The following NRG1 variants were observed in gnomAD, a reference collection of about 807,000 sequenced individuals.
NRG1 encodes pro-neuregulin-1, membrane-bound isoform.
In NRG1, 18 loss-of-function variants were observed where a neutral mutation model predicts 63.8. The ratio of observed to expected loss-of-function variants is 0.28; its 90% CI spans 0.19 to 0.42. The LOEUF (loss-of-function observed/expected upper bound fraction) is 0.42, where lower values mean the gene tolerates loss of function less well. Ranked by LOEUF, NRG1 falls within the 10% of genes least tolerant of loss-of-function variation. The probability of loss-of-function intolerance (pLI) is 1.00; values close to 1 mark genes in which losing one functional copy is unlikely to be tolerated. For synonymous variants in NRG1, 302 were observed against 301.3 expected, an observed-to-expected ratio of 1.00 and a Z score of -0.02; for missense variants, 762 against 814.7, an observed-to-expected ratio of 0.94 and a Z score of 0.79.
At chr8:32,441,969 TAGTGCTTCATTTATGAAGGTC>T (rs1453501686) in intron 1 of NRG1, among the ~76,000 whole-genome samples, 1 of 152,178 alleles carries the variant, frequency 6.6e-6, no homozygotes, top group Non-Finnish European at 1.5e-5. Context: ...GCTCCTAGGT[TAGTGCTTCATTTATGAAGGTC>T]AGTGCTTCAT....
intron 1 of NRG1, among the ~76,000 whole-genome samples, chr8:31,724,383 AGAT>A (rs1813219528): frequency 6.6e-6 from 1 of 152,122 alleles, no homozygotes. Flanking sequence ...TCCAAGGGAA[AGAT>A]GATGTGTTCA....
chr8:32,492,303 A>G (rs1826684757), intron 1 of NRG1, among the ~76,000 whole-genome samples: 3 of 152,152 alleles, frequency 2.0e-5, no homozygotes, highest in Admixed American at 2.0e-4. Flanking sequence ...AGTTCTTGAT[A>G]GATTTACTTT....
At chr8:32,437,549 C>T (rs1818947058) in intron 1 of NRG1, among the ~76,000 whole-genome samples, 1 of 152,172 alleles carries the variant, frequency 6.6e-6, no homozygotes, top group African/African-American at 2.4e-5. Flanking sequence ...CACACCAGAG[C>T]CAGACCGGAA....
chr8:32,205,808 T>C (rs1843997264), intron 1 of NRG1, among the ~76,000 whole-genome samples: 1 of 151,824 alleles, frequency 6.6e-6, no homozygotes, highest in African/African-American at 2.4e-5. Flanking sequence ...AAATAAGGAA[T>C]GCACAAATAA....
chr8:31,693,649 A>G (rs932303875), intron 1 of NRG1, among the ~76,000 whole-genome samples: 8 of 152,164 alleles, frequency 5.3e-5, no homozygotes, highest in Admixed American at 1.3e-4. Flanking sequence ...TCCTGTAGAA[A>G]TCCTCTCTTG....
intron 2 of NRG1, among the ~76,000 whole-genome samples, chr8:32,598,906 G>A (rs1451355255): frequency 1.3e-5 from 2 of 151,978 alleles, no homozygotes; most frequent in Non-Finnish European, 2.9e-5. Flanking sequence ...GTAAATATAA[G>A]TAGAAGGAAT....
chr8:31,709,626 T>C (rs1811538816), intron 1 of NRG1, among the ~76,000 whole-genome samples: 1 of 152,100 alleles, frequency 6.6e-6, no homozygotes, highest in Non-Finnish European at 1.5e-5. Context: ...CTCTAATTCA[T>C]TTGTTGAAAT....
At chr8:32,215,145 A>G (rs929361257) in intron 1 of NRG1, among the ~76,000 whole-genome samples, 4 of 152,248 alleles carry the variant, frequency 2.6e-5, no homozygotes, top group South Asian at 2.1e-4. Context: ...CCTGAAATTC[A>G]TATTTATCTG....
At chr8:32,232,061 G>A (rs1303269672) in intron 1 of NRG1, among the ~76,000 whole-genome samples, 1 of 150,778 alleles carries the variant, frequency 6.6e-6, no homozygotes, top group African/African-American at 2.4e-5. Flanking sequence ...ACATCACCAT[G>A]CCTGGTTAAT....
At chr8:32,141,279 G>T (rs900185412) in intron 1 of NRG1, among the ~76,000 whole-genome samples, 1 of 151,998 alleles carries the variant, frequency 6.6e-6, no homozygotes, top group African/African-American at 2.4e-5. Flanking sequence ...AGTAGTCATT[G>T]TATATAACAG....
At chr8:32,075,292 G>T (rs1275036110) in intron 1 of NRG1, among the ~76,000 whole-genome samples, 1 of 43,258 alleles carries the variant, frequency 2.3e-5, no homozygotes. Context: ...AAGTTATTAA[G>T]AATCATACCA....
rs568992171 is a variant in NRG1, at chr8:32,008,054, T to C, written c.37+368623T>C. 1.3e-4 allele frequency among the ~76,000 whole-genome samples: 20 copies of C among 152,172 alleles called. No homozygotes were observed. The South Asian group carries it at 3.1e-3, about 24-fold the overall frequency. ...CTTGAATCAGTATAGGTGGGACTGG[T>C]ATATTTCTTTTGCTATTTCATTATC... On this transcript the variant is annotated intron_variant, in intron 1 of 10. Coordinates refer to the NRG1 transcript ENST00000519301.
chr8:32,764,179 G>A (rs751425637), exon 12 of NRG1: 3 of 1,614,104 alleles, frequency 1.9e-6, no homozygotes, highest in South Asian at 2.2e-5. Flanking sequence ...AGCAACACAA[G>A]CTCCCAGAGC....
chr8:31,737,776 C>G (rs1170434574), intron 1 of NRG1, among the ~76,000 whole-genome samples: 2 of 152,102 alleles, frequency 1.3e-5, no homozygotes, highest in Admixed American at 6.6e-5. Context: ...TGTTCTATGG[C>G]ACCTAGTCCC....
At chr8:31,917,496 G>T (rs993928134) in intron 1 of NRG1, among the ~76,000 whole-genome samples, 1 of 150,788 alleles carries the variant, frequency 6.6e-6, no homozygotes, top group Admixed American at 6.6e-5. Flanking sequence ...TCTCAGGTTT[G>T]TCAAAGATCA....
intron 1 of NRG1, among the ~76,000 whole-genome samples, chr8:32,201,024 T>G (rs1563902659): frequency 6.6e-6 from 1 of 152,164 alleles, no homozygotes; most frequent in Non-Finnish European, 1.5e-5. Context: ...ACGGCTTTCT[T>G]TGAATTCTGA....
chr8:31,664,201 C>T (rs1381257942), intron 1 of NRG1, among the ~76,000 whole-genome samples: 3 of 152,166 alleles, frequency 2.0e-5, no homozygotes, highest in African/African-American at 7.2e-5. Flanking sequence ...CAGTGGATTC[C>T]TCTGTAGTCA....
intron 1 of NRG1, among the ~76,000 whole-genome samples, chr8:31,670,584 T>C (rs1208936539): frequency 8.0e-5 from 12 of 150,326 alleles, no homozygotes; most frequent in African/African-American, 2.7e-4. Context: ...TTTTTTTTTG[T>C]CGAAAATAAA....
At chr8:32,625,901 C>A (rs567182526) in intron 5 of NRG1, among the ~76,000 whole-genome samples, 1 of 149,304 alleles carries the variant, frequency 6.7e-6, no homozygotes, top group African/African-American at 2.5e-5. Context: ...TCAAGCGATT[C>A]TTTTGCCTCA....
Sources: gnomAD v4.1 joint callset for allele counts (sites outside exome capture counted in the v4.1 genomes callset) on GRCh38, gnomAD v4.1.1 for gene constraint, MANE v1.5 for transcripts, NCBI Gene and HGNC (gene_info 2026-07-23, HGNC 2026-07-21) for gene names.